Variants in BRAT1 observed in about 807,000 individuals in gnomAD.
BRAT1 encodes the protein integrator complex assembly factor BRAT1.
In BRAT1, 74 loss-of-function variants were observed where a neutral mutation model predicts 70.6. The observed-to-expected ratio is 1.05, with a 90% CI of 0.87 to 1.27. The LOEUF (loss-of-function observed/expected upper bound fraction) is 1.27, where lower values mean the gene tolerates loss of function less well. Among genes scored for constraint, BRAT1 ranks in the 50% most tolerant of loss-of-function variants. BRAT1 has a pLI of 0.00. For missense variants in BRAT1, 1,203 were observed against 1,098.2 expected, an observed-to-expected ratio of 1.10 and a Z score of -1.35; for synonymous variants, 615 against 517.1, an observed-to-expected ratio of 1.19 and a Z score of -2.57.
chr7:2,541,456 G>C lies in BRAT1; in HGVS notation c.1163C>G (p.Ala388Gly), dbSNP rs368710298. 8.3e-6 allele frequency: 13 copies of C among 1,560,696 alleles called. No individual in the cohort carries two copies. The highest frequency in any genetic ancestry group is 1.0e-5 in the Non-Finnish European group (12 of 1,153,784). ...LPQRPSPWPQ[A>G]SLLGATVTVL... ...AGTCACTGTAGCCCCCAGTAGAGAC[G>C]CCTGGGGCCACGGTGAAGGGCGCTG... The change falls in exon 9 of 14, where the codon GCG becomes GGG. Residue 388 changes from alanine to glycine, a missense_variant. Ala to Gly is a moderately conservative substitution (Grantham distance 60). Coordinates refer to ENST00000340611, the MANE Select transcript of BRAT1 (RefSeq NM_152743.4).
chr7:2,541,670 C>T (rs770138937), intron 8 of BRAT1, 48 bp downstream of exon 8: 46 of 1,554,914 alleles, frequency 3.0e-5, no homozygotes, highest in East Asian at 7.0e-5. Context: ...GCGGTCCCAC[C>T]GCCAGCGTGG....
intron 2 of BRAT1, among the ~76,000 whole-genome samples, chr7:2,553,650 T>G (rs1780200969): frequency 6.9e-6 from 1 of 144,938 alleles, no homozygotes; most frequent in South Asian, 2.2e-4. Flanking sequence ...TATTACTTTG[T>G]TTTTTTTTTT....
chr7:2,552,902 TA>T (rs1188012193), intron 2 of BRAT1, among the ~76,000 whole-genome samples: 1 of 117,202 alleles, frequency 8.5e-6, no homozygotes, highest in Non-Finnish European at 1.7e-5. Context: ...CACGTCTGGC[TA>T]TTTTTTTTTT....
intron 2 of BRAT1, among the ~76,000 whole-genome samples, chr7:2,552,596 GAAT>G (rs1425734688): frequency 6.6e-6 from 1 of 151,060 alleles, no homozygotes; most frequent in Admixed American, 6.6e-5. Flanking sequence ...AAAATAAAAA[GAAT>G]AAAAGAACAC....
intron 9 of BRAT1, 95 bp downstream of exon 9, chr7:2,541,201 AAC>A (rs1779127892): frequency 6.9e-7 from 1 of 1,440,420 alleles, no homozygotes; most frequent in Non-Finnish European, 9.2e-7. Context: ...CCAGAGAAGA[AAC>A]AGAGAGGGAC....
At chr7:2,554,485 C>T in intron 1 of BRAT1, 38 bp from the exon 2 acceptor site, 1 of 1,581,354 alleles carries the variant, frequency 6.3e-7, no homozygotes, top group Non-Finnish European at 8.6e-7. Context: ...TCAATGCCCA[C>T]TCCAGACCCA....
At chr7:2,544,476 A>G (rs1779448708) in intron 4 of BRAT1, among the ~76,000 whole-genome samples, 1 of 152,088 alleles carries the variant, frequency 6.6e-6, no homozygotes, top group African/African-American at 2.4e-5. Context: ...TGCTGAGATT[A>G]CAGGCGTGAG....
intron 2 of BRAT1, among the ~76,000 whole-genome samples, chr7:2,548,093 CAAAAAAA>C (rs57069903): frequency 0.013 from 1,306 of 98,842 alleles, 17 homozygotes; most frequent in African/African-American, 0.041. Flanking sequence ...GACTCCATTC[CAAAAAAA>C]AAAAAAAAAA....
intron 13 of BRAT1, 134 bp from the exon 14 acceptor site, chr7:2,538,898 C>T: frequency 6.7e-7 from 1 of 1,484,980 alleles, no homozygotes; most frequent in Admixed American, 2.2e-5. Context: ...GACACCTTCC[C>T]ATGCTGCGCA....
At chr7:2,539,396 C>A in intron 12 of BRAT1, 45 bp from the exon 13 acceptor site, 1 of 1,567,844 alleles carries the variant, frequency 6.4e-7, no homozygotes, top group Non-Finnish European at 8.7e-7. Flanking sequence ...GAGGGCCGAG[C>A]CTTGTCGCCT....
intron 2 of BRAT1, among the ~76,000 whole-genome samples, chr7:2,553,191 C>T (rs754514871): frequency 6.6e-6 from 1 of 152,004 alleles, no homozygotes; most frequent in Non-Finnish European, 1.5e-5. Context: ...CCACCATGCC[C>T]GGCTAATTTT....
Position 2,543,319 on chromosome 7 carries a change from G to A in BRAT1, c.808C>T (p.Pro270Ser), listed in dbSNP as rs200455714. 6.3e-7 allele frequency: 1 copy of A among 1,597,978 alleles called. No individual in the cohort carries two copies. The highest frequency in any genetic ancestry group is 8.5e-7 in the Non-Finnish European group (1 of 1,171,862). The change falls in exon 6 of 14, where the codon CCC becomes TCC. Residue 270 changes from proline to serine, a missense_variant. Physicochemically the swap from Pro to Ser is moderately conservative, Grantham distance 74. Coordinates refer to ENST00000340611, the MANE Select transcript of BRAT1 (RefSeq NM_152743.4). The surrounding 1 kb of genome is among the most constrained non-coding windows in gnomAD (Gnocchi z 5.5). The part of the protein sequence containing the change: ...VDLLLCVARS[P>S]VFSSSDGSLW... ...CTGCCGTCGGAAGAACTGAACACGG[G>A]AGAACTGCAGGGAGACCCCAGAGAG...
chr7:2,546,380 C>T (rs1218940728), intron 3 of BRAT1, among the ~76,000 whole-genome samples: 2 of 152,058 alleles, frequency 1.3e-5, no homozygotes, highest in Admixed American at 1.3e-4. Flanking sequence ...GTCAAGGCTG[C>T]AGTGAGCTGC....
chr7:2,541,948 A>G, intron 7 of BRAT1, 112 bp from the exon 8 acceptor site: 1 of 1,293,494 alleles, frequency 7.7e-7, no homozygotes. Flanking sequence ...GGTGCAGAGC[A>G]GCAGCTCACC....
At position 2,538,396 on chromosome 7, in the gene BRAT1, G is replaced by T; in HGVS notation, c.2139C>A (p.Arg713=). ...GGTCACAAGACTTCTGCGCCACAGG[G>T]CGGTCGCAGTCAAACAAGGCACAAA... The part of the protein sequence containing the change: ...FAFCALFDCD[R]PVAQKSCDLL... The change falls in exon 14 of 14, where the codon CGC becomes CGA. Residue 713 remains arginine (R), a synonymous_variant. Transcript: ENST00000340611. 1 of 1,613,582 alleles carries T rather than the reference G, an allele frequency of 6.2e-7. No individual in the cohort carries two copies.
intron 4 of BRAT1, among the ~76,000 whole-genome samples, chr7:2,544,526 G>A (rs958327457): frequency 2.0e-5 from 3 of 151,952 alleles, no homozygotes; most frequent in Admixed American, 6.6e-5. Flanking sequence ...TTTGAGACGG[G>A]GTCTTGCTCT....
At position 2,543,916 on chromosome 7, in the gene BRAT1, A is replaced by C. The variant is rs759994739; in HGVS notation, c.477T>G (p.Phe159Leu). 77 of 1,605,834 alleles carry C rather than the reference A, an allele frequency of 4.8e-5. No individual in the cohort carries two copies. Among genetic ancestry groups the C allele is most frequent in the Non-Finnish European group, 6.0e-5 (71 of 1,175,082 alleles). ...IFSLQGDSSL[F>L]VASAASQLLV... Reference sequence around the variant, plus strand: ...GGAGCTGACTGGCCGCCGAGGCCACAAACAGGCTGGAGTCTCCCTGCAGGG... The same window carrying C: ...GGAGCTGACTGGCCGCCGAGGCCACCAACAGGCTGGAGTCTCCCTGCAGGG... Residue 159 changes from phenylalanine to leucine, a missense_variant, in exon 5 of 14, where the codon TTT (phenylalanine) becomes TTG (leucine). Transcript: ENST00000340611. The surrounding 1 kb of genome is among the most constrained non-coding windows in gnomAD (Gnocchi z 5.5).
chr7:2,544,984 C>T lies in BRAT1; in HGVS notation c.355G>A (p.Val119Met), dbSNP rs756690295. Residue 119 changes from valine to methionine, a missense_variant, in exon 4 of 14, where the codon GTG (valine) becomes ATG (methionine). Coordinates refer to ENST00000340611, the MANE Select transcript of BRAT1 (RefSeq NM_152743.4). ...AGGCCCTGGATCCAGCCGCTGCGCA[C>T]GGTGGGGACGGCCCAGGTTGCTCGG... ...LGRATWAVPT[V>M]RSGWIQGLRS... 6.4e-6 allele frequency: 10 copies of T among 1,567,298 alleles called. No homozygotes were observed. Among genetic ancestry groups the T allele is most frequent in the East Asian group, 2.3e-5 (1 of 42,884 alleles).
Position 2,543,271 on chromosome 7 carries a change from C to A in BRAT1, c.856G>T (p.Ala286Ser). 6.2e-7 allele frequency: 1 copy of A among 1,611,658 alleles called. No individual in the cohort carries two copies. Among genetic ancestry groups the A allele is most frequent in the Non-Finnish European group, 8.5e-7 (1 of 1,179,068 alleles). Residue 286 changes from alanine (A) to serine (S), a missense_variant, in exon 6 of 14, where the codon GCT becomes TCT. By Grantham distance (99) the Ala-to-Ser change is moderately conservative. Transcript: ENST00000340611. This position sits in a 1 kb window ranked among gnomAD's most constrained non-coding sequence, Gnocchi z 5.5. ...DGSLWETVAR[A>S]LSCLGPTHMG... ...TGGGTGGGACCCAGGCAGCTCAGAG[C>A]CCGCGCCACTGTCTCCCACAGGCTG...
Sources: allele counts gnomAD v4.1 joint callset (sites outside exome capture counted in the v4.1 genomes callset), GRCh38; gene constraint gnomAD v4.1.1; non-coding constraint Gnocchi (gnomAD v3.1); transcripts MANE v1.5; gene names NCBI Gene and HGNC (gene_info 2026-07-23, HGNC 2026-07-21).